The following SPAG16 variants were observed in gnomAD, a reference collection of about 807,000 sequenced individuals.
SPAG16 encodes sperm associated antigen 16.
A neutral mutation model predicts 80.4 loss-of-function variants in SPAG16; 86 were observed. The ratio of observed to expected loss-of-function variants is 1.07; its 90% CI spans 0.90 to 1.28. The LOEUF is 1.28. Ranked by LOEUF, SPAG16 falls within the 50% of genes most tolerant of loss-of-function variation. The pLI is 0.00. For missense variants in SPAG16, 870 were observed against 765.3 expected (o/e 1.14, Z -1.61); for synonymous variants, 294 against 265.9 (o/e 1.11, Z -1.03).
chr2:214,359,696 G>T (rs1699051954), intron 15 of SPAG16, among the ~76,000 whole-genome samples: 2 of 151,818 alleles, frequency 1.3e-5, no homozygotes, highest in Admixed American at 1.3e-4. Flanking sequence ...AGAGAAATAA[G>T]TGATGAGAGC....
chr2:214,015,592 C>G (rs972625701), intron 13 of SPAG16, among the ~76,000 whole-genome samples: 23 of 121,302 alleles, frequency 1.9e-4, no homozygotes, highest in African/African-American at 6.7e-4. Flanking sequence ...GGGCAAAACT[C>G]CATCTCAGAA....
At chr2:213,971,856 A>C (rs76366232) in intron 12 of SPAG16, among the ~76,000 whole-genome samples, 1 of 150,844 alleles carries the variant, frequency 6.6e-6, no homozygotes, top group Non-Finnish European at 1.5e-5. Context: ...ACATGCTAAC[A>C]TGTGCTATTT....
intron 10 of SPAG16, among the ~76,000 whole-genome samples, chr2:213,629,533 T>C (rs1280359836): frequency 6.6e-6 from 1 of 152,168 alleles, no homozygotes. Flanking sequence ...CTGTTACATA[T>C]AAACAAATCA....
intron 15 of SPAG16, among the ~76,000 whole-genome samples, chr2:214,230,375 C>T (rs571583262): frequency 1.3e-5 from 2 of 152,008 alleles, no homozygotes; most frequent in African/African-American, 4.8e-5. Context: ...ACCTCACTAT[C>T]AATCAGGTAA....
At chr2:213,753,259 G>A (rs369134108) in intron 10 of SPAG16, among the ~76,000 whole-genome samples, 10 of 152,290 alleles carry the variant, frequency 6.6e-5, no homozygotes, top group African/African-American at 2.2e-4. Context: ...TGATCCGCCT[G>A]CCTCGGCCTC....
At chr2:213,379,654 A>G (rs2067062276) in intron 9 of SPAG16, among the ~76,000 whole-genome samples, 1 of 152,226 alleles carries the variant, frequency 6.6e-6, no homozygotes, top group Non-Finnish European at 1.5e-5. Context: ...TGCCCTTTCC[A>G]TGATGGAAGA....
intron 14 of SPAG16, among the ~76,000 whole-genome samples, chr2:214,121,898 C>T (rs1225703339): frequency 6.6e-6 from 1 of 151,774 alleles, no homozygotes; most frequent in Non-Finnish European, 1.5e-5. Flanking sequence ...CATGATATTA[C>T]ATTATGTATA....
At chr2:213,939,411 T>C (rs2079112716) in intron 12 of SPAG16, among the ~76,000 whole-genome samples, 1 of 152,202 alleles carries the variant, frequency 6.6e-6, no homozygotes, top group Non-Finnish European at 1.5e-5. Flanking sequence ...TCCTTTCTGC[T>C]AGAGATGACA....
At chr2:214,361,321 C>T (rs372489805) in intron 15 of SPAG16, among the ~76,000 whole-genome samples, 10 of 151,864 alleles carry the variant, frequency 6.6e-5, no homozygotes, top group South Asian at 2.1e-4. Flanking sequence ...CTTCTTATTG[C>T]GCAAGTGGTT....
At chr2:213,804,095 G>T (rs1030287408) in intron 10 of SPAG16, among the ~76,000 whole-genome samples, 10 of 152,078 alleles carry the variant, frequency 6.6e-5, no homozygotes, top group African/African-American at 2.4e-4. Context: ...GTTTATTGAT[G>T]ACCTATTATA....
intron 9 of SPAG16, 104 bp downstream of exon 9, chr2:213,375,223 G>C (rs1029502826): frequency 1.2e-6 from 1 of 820,136 alleles, no homozygotes; most frequent in Non-Finnish European, 1.9e-6. Context: ...GGAATTTAGA[G>C]GTTATATATT....
intron 9 of SPAG16, among the ~76,000 whole-genome samples, chr2:213,398,792 GA>G (rs2068171041): frequency 6.6e-6 from 1 of 152,010 alleles, no homozygotes; most frequent in South Asian, 2.1e-4. Flanking sequence ...CTTCCCACTA[GA>G]ATGTAAGTCC....
intron 14 of SPAG16, among the ~76,000 whole-genome samples, chr2:214,148,309 C>T (rs955385128): frequency 3.3e-5 from 5 of 152,088 alleles, no homozygotes; most frequent in African/African-American, 7.2e-5. Context: ...CAGCAGGAGG[C>T]GTGTAGACAG....
At chr2:214,036,148 C>A (rs2048686034) in intron 13 of SPAG16, among the ~76,000 whole-genome samples, 1 of 152,068 alleles carries the variant, frequency 6.6e-6, no homozygotes, top group Admixed American at 6.5e-5. Flanking sequence ...TAATGTATTT[C>A]TATTTTGTAC....
intron 15 of SPAG16, among the ~76,000 whole-genome samples, chr2:214,190,414 A>T (rs1186146146): frequency 6.6e-6 from 1 of 152,156 alleles, no homozygotes; most frequent in East Asian, 1.9e-4. Flanking sequence ...TTTGAAAACG[A>T]ATATATACCC....
At chr2:213,716,853 TG>T (rs552570610) in intron 10 of SPAG16, among the ~76,000 whole-genome samples, 36 of 152,296 alleles carry the variant, frequency 2.4e-4, no homozygotes, top group Admixed American at 6.5e-4. Flanking sequence ...ATAAGTTCTT[TG>T]ATCTCAGTGG....
intron 10 of SPAG16, among the ~76,000 whole-genome samples, chr2:213,573,656 G>A (rs573530227): frequency 5.9e-5 from 9 of 151,974 alleles, no homozygotes; most frequent in Admixed American, 2.6e-4. Flanking sequence ...ATTTTTATAC[G>A]TATTTTAAGT....
intron 15 of SPAG16, among the ~76,000 whole-genome samples, chr2:214,221,757 A>G (rs972907706): frequency 6.6e-6 from 1 of 152,160 alleles, no homozygotes; most frequent in African/African-American, 2.4e-5. Context: ...AAAGAAAAAT[A>G]TTTCATGTTA....
intron 10 of SPAG16, among the ~76,000 whole-genome samples, chr2:213,606,114 G>A (rs959997619): frequency 2.0e-5 from 3 of 152,164 alleles, no homozygotes; most frequent in Non-Finnish European, 4.4e-5. Flanking sequence ...TAATATTGCT[G>A]AGATGTATCC....
Sources: gnomAD v4.1 joint callset for allele counts (sites outside exome capture counted in the v4.1 genomes callset) on GRCh38, gnomAD v4.1.1 for gene constraint, MANE v1.5 for transcripts, NCBI Gene and HGNC (gene_info 2026-07-23, HGNC 2026-07-21) for gene names.